Variants in KCNA3 observed in about 807,000 individuals in gnomAD.
The protein encoded by KCNA3 is RP11-284N8.3.
A neutral mutation model predicts 34.3 loss-of-function variants in KCNA3; 18 were observed. That is an observed-to-expected ratio of 0.52 (90% CI 0.36 to 0.78). KCNA3 has a LOEUF of 0.78. Among genes scored for constraint, KCNA3 ranks in the 30% least tolerant of loss-of-function variants. The pLI is 0.00. For synonymous variants in KCNA3, 324 were observed against 351.7 expected, an observed-to-expected ratio of 0.92 and a Z score of 0.88; for missense variants, 587 against 802.5, an observed-to-expected ratio of 0.73 and a Z score of 3.24.
chr1:110,672,894 G>T lies in KCNA3; in HGVS notation c.*188C>A. ...GGAAAAGGAGAGCTGAGAGAATGCA[G>T]CCCACTTGCAAAACAGGCACCTGTT... On this transcript the variant is annotated 3_prime_UTR_variant, in exon 1 of 1. Transcript: ENST00000369769. 1 of 598,264 alleles carries T rather than the reference G, an allele frequency of 1.7e-6. No individual in the cohort carries two copies. Among genetic ancestry groups the T allele is most frequent in the Non-Finnish European group, 2.9e-6 (1 of 342,276 alleles). The allele number at this position is 598,264 out of a possible 1,614,324, so 37.1% of individuals were successfully genotyped here.
chr1:110,674,190 T>A lies in KCNA3; in HGVS notation c.620A>T (p.Glu207Val), dbSNP rs775396919. ...GTCGCGGCGGGGCAAGGGCCGCTCC[T>A]CCTCCCGCAGGAAGCCCTCGTCCTC... The part of the protein sequence containing the change: ...FREDEGFLRE[E>V]ERPLPRRDFQ... The change falls in exon 1 of 1, where the codon GAG (glutamate) becomes GTG (valine). Residue 207 changes from glutamate (E) to valine (V), a missense_variant. Glu to Val is a moderately radical substitution (Grantham distance 121, BLOSUM62 -2). This residue lies in a region of KCNA3 where 341 missense variants were observed against 355.4 expected (regional missense o/e 0.96). Coordinates refer to ENST00000369769, the MANE Select transcript of KCNA3 (RefSeq NM_002232.5). The surrounding 1 kb of genome is among the most constrained non-coding windows in gnomAD (Gnocchi z 6.4). 13 of 1,612,380 alleles carry A rather than the reference T, an allele frequency of 8.1e-6. No individual in the cohort carries two copies. Among genetic ancestry groups the A allele is most frequent in the Non-Finnish European group, 1.0e-5 (12 of 1,179,050 alleles).
chr1:110,659,942 G>A, the KCNA3 span, among the ~76,000 whole-genome samples: 1 of 151,694 alleles, frequency 6.6e-6, no homozygotes, highest in Admixed American at 6.6e-5. Flanking sequence ...GGGGGGCTGG[G>A]GGGCTAGGGA....
At chr1:110,666,931 T>C in the KCNA3 span, among the ~76,000 whole-genome samples, 1 of 152,122 alleles carries the variant, frequency 6.6e-6, no homozygotes, top group Non-Finnish European at 1.5e-5. Flanking sequence ...GATTTGTAAA[T>C]ATTTATGCTG....
downstream of KCNA3, among the ~76,000 whole-genome samples, chr1:110,671,697 G>C (rs1291014788): frequency 6.6e-6 from 1 of 151,982 alleles, no homozygotes; most frequent in Admixed American, 6.5e-5. Context: ...TAAAGAGAAA[G>C]CCTGAAGGTC....
downstream of KCNA3, among the ~76,000 whole-genome samples, chr1:110,671,273 T>C (rs1051999893): frequency 6.6e-6 from 1 of 152,232 alleles, no homozygotes; most frequent in African/African-American, 2.4e-5. Flanking sequence ...TTCATCCTTT[T>C]GTAATAAACA....
the KCNA3 span, among the ~76,000 whole-genome samples, chr1:110,661,398 C>A: frequency 2.6e-5 from 4 of 152,114 alleles, no homozygotes; most frequent in East Asian, 7.7e-4. Context: ...AAAGTCTTAA[C>A]GCTGATTTTA....
the KCNA3 span, among the ~76,000 whole-genome samples, chr1:110,667,068 G>T: frequency 3.3e-5 from 5 of 150,950 alleles, no homozygotes; most frequent in South Asian, 8.4e-4. Flanking sequence ...ACAGGTGAGG[G>T]GTGTGTGTGT....
At chr1:110,668,858 C>T (rs557540911), downstream of KCNA3, among the ~76,000 whole-genome samples, 10 of 152,260 alleles carry the variant, frequency 6.6e-5, no homozygotes, top group South Asian at 2.1e-3. Context: ...AGACGTGCAA[C>T]TGAGCTCAAC....
downstream of KCNA3, among the ~76,000 whole-genome samples, chr1:110,670,791 G>A (rs924087034): frequency 3.9e-5 from 6 of 152,074 alleles, no homozygotes; most frequent in African/African-American, 1.4e-4. Flanking sequence ...GCCTCTATTT[G>A]TTTGGTCTTT....
the KCNA3 span, chr1:110,654,556 A>T: frequency 3.3e-5 from 5 of 152,310 alleles, no homozygotes; most frequent in South Asian, 1.0e-3. Flanking sequence ...TTCTGACATC[A>T]AGTGAATTCA....
chr1:110,670,797 T>C (rs890347866), downstream of KCNA3, among the ~76,000 whole-genome samples: 1 of 152,200 alleles, frequency 6.6e-6, no homozygotes, highest in Admixed American at 6.5e-5. Flanking sequence ...ATTTGTTTGG[T>C]CTTTTCCTTC....
the KCNA3 span, chr1:110,656,182 G>A: frequency 6.6e-6 from 1 of 152,088 alleles, no homozygotes; most frequent in Non-Finnish European, 1.5e-5. Flanking sequence ...TTTGTTACAT[G>A]TTTATTAAAC....
chr1:110,655,195 C>G, the KCNA3 span: 2 of 151,872 alleles, frequency 1.3e-5, no homozygotes, highest in African/African-American at 4.8e-5. Context: ...AGCTTTTAAA[C>G]TGAAATTATA....
chr1:110,656,583 T>C, the KCNA3 span: 90,756 of 152,074 alleles, frequency 0.6, 27,219 homozygotes, highest in Admixed American at 0.62. Context: ...TCCTAGGGCA[T>C]ATGAGAGTTT....
In KCNA3 at chr1:110,673,864, C is replaced by A. The variant is rs368270224; in HGVS notation, c.946G>T (p.Ala316Ser). The A allele has an allele frequency of 6.2e-7, 1 of 1,613,920 alleles. No individual in the cohort carries two copies. The highest frequency in any genetic ancestry group is 8.5e-7 in the Non-Finnish European group (1 of 1,180,002). Residue 316 changes from alanine (A) to serine (S), a missense_variant, in exon 1 of 1, where the codon GCT becomes TCT. Transcript: ENST00000369769. The surrounding 1 kb of genome is among the most constrained non-coding windows in gnomAD (Gnocchi z 8.8). Reference protein sequence around the residue: ...FSFELLVRFFACPSKATFSRN... With the variant: ...FSFELLVRFFSCPSKATFSRN... ...GAGAAGGTGGCTTTGCTAGGACAAG[C>A]GAAGAACCGCACCAGCAGTTCGAAG... is the stretch of plus-strand genomic sequence containing the variant.
At chr1:110,663,086 C>T in the KCNA3 span, among the ~76,000 whole-genome samples, 7 of 151,976 alleles carry the variant, frequency 4.6e-5, no homozygotes, top group Non-Finnish European at 8.8e-5. Flanking sequence ...TAGTCAGACA[C>T]GAGGTAAATA....
At chr1:110,666,034 A>C in the KCNA3 span, among the ~76,000 whole-genome samples, 1 of 152,202 alleles carries the variant, frequency 6.6e-6, no homozygotes, top group Non-Finnish European at 1.5e-5. Flanking sequence ...AGAAACAGAA[A>C]TTAATCATAT....
At chr1:110,654,277 C>T in the KCNA3 span, 1 of 152,116 alleles carries the variant, frequency 6.6e-6, no homozygotes, top group Non-Finnish European at 1.5e-5. Flanking sequence ...TGAATAGTTA[C>T]AGGAAAATGA....
chr1:110,671,027 A>G (rs982947938), downstream of KCNA3, among the ~76,000 whole-genome samples: 1 of 152,262 alleles, frequency 6.6e-6, no homozygotes, highest in Non-Finnish European at 1.5e-5. Flanking sequence ...TTATGTTTAA[A>G]TAAAATGTTA....
Sources: allele counts gnomAD v4.1 joint callset (sites outside exome capture counted in the v4.1 genomes callset), GRCh38; gene constraint gnomAD v4.1.1; regional missense constraint gnomAD v4.1.1; non-coding constraint Gnocchi (gnomAD v3.1); transcripts MANE v1.5; gene names NCBI Gene and HGNC (gene_info 2026-07-23, HGNC 2026-07-21).